The following TJP1 variants were observed in gnomAD, a reference collection of about 807,000 sequenced individuals.
TJP1 encodes tight junction protein ZO-1.
Under a neutral mutation model 194.2 loss-of-function variants are expected in TJP1, and 43 were observed. The observed-to-expected ratio is 0.22, with a 90% CI of 0.17 to 0.29. TJP1 has a LOEUF of 0.29. TJP1 is among the 10% of genes least tolerant of loss of function. The pLI, the probability that TJP1 is intolerant of heterozygous loss-of-function variation, is 1.00. For synonymous variants in TJP1, 801 were observed against 779.0 expected, an observed-to-expected ratio of 1.03 and a Z score of -0.47; for missense variants, 1,971 against 2,185.7, an observed-to-expected ratio of 0.90 and a Z score of 1.96.
intron 1 of TJP1, among the ~76,000 whole-genome samples, chr15:29,964,833 G>C (rs4779687): frequency 1.3e-5 from 2 of 152,040 alleles, no homozygotes; most frequent in Admixed American, 1.3e-4. Flanking sequence ...AAACGCCCCT[G>C]CTTTCTAAAT....
intron 18 of TJP1, among the ~76,000 whole-genome samples, chr15:29,724,705 G>C (rs924977193): frequency 2.0e-5 from 3 of 152,300 alleles, no homozygotes; most frequent in Admixed American, 6.5e-5. Context: ...TTTAGTTTAA[G>C]AATCTATTCT....
rs1175518448 is a variant in TJP1, at chr15:29,833,875, A to ATTTTTTT, written c.307-33174_307-33173insAAAAAAA. On this transcript the variant is annotated intron_variant, in intron 2 of 28. Coordinates refer to the TJP1 transcript ENST00000356107. ...TTTGTAAGTATATATATATATATAT[A>ATTTTTTT]TATATATTTTTTTTTTTTTTTTTTT... is the stretch of plus-strand genomic sequence containing the variant. Among the ~76,000 whole-genome samples, 79 of 16,546 alleles carry ATTTTTTT rather than the reference A, an allele frequency of 4.8e-3. 1 individual carries two copies. In the East Asian group the frequency reaches 0.14, roughly 30 times the overall value. The allele number at this position is 16,546 out of a possible 152,430, so 10.9% of individuals were successfully genotyped here. A position where few individuals can be genotyped will look rare whatever the true frequency, so the allele number is the denominator to read the frequency against.
At chr15:29,784,297 A>C (rs568683442) in intron 2 of TJP1, among the ~76,000 whole-genome samples, 31 of 151,928 alleles carry the variant, frequency 2.0e-4, no homozygotes, top group African/African-American at 7.2e-4. Context: ...ATAGCAACTC[A>C]AGGATTTTTT....
intron 2 of TJP1, among the ~76,000 whole-genome samples, chr15:29,904,680 A>C (rs2053749603): frequency 1.3e-5 from 2 of 152,194 alleles, no homozygotes; most frequent in African/African-American, 2.4e-5. Flanking sequence ...TAGAAAAAAA[A>C]ATAAAGATAA....
rs534086629 is a variant in TJP1, at chr15:29,713,177, T to C, written c.4203-2177A>G. ...TTTATTGAGACCTGGAAGTCTCACA[T>C]AGTGAGTTGAGTCCTGAAAGGTAGA... On this transcript the variant is annotated intron_variant, in intron 23 of 27. Coordinates refer to ENST00000614355, the MANE Select transcript of TJP1 (RefSeq NM_001330239.4). 2.6e-5 allele frequency among the ~76,000 whole-genome samples: 4 copies of C among 152,228 alleles called. No homozygotes were observed. In the South Asian group the frequency reaches 6.2e-4, roughly 24 times the overall value.
chr15:29,885,359 G>C (rs936211496), intron 2 of TJP1, among the ~76,000 whole-genome samples: 1 of 152,194 alleles, frequency 6.6e-6, no homozygotes, highest in Non-Finnish European at 1.5e-5. Flanking sequence ...CCTGGCAAGG[G>C]AACACATGGA....
chr15:29,849,501 G>A (rs2051554422), intron 2 of TJP1, among the ~76,000 whole-genome samples: 1 of 151,356 alleles, frequency 6.6e-6, no homozygotes, highest in Non-Finnish European at 1.5e-5. Flanking sequence ...CATTTTGGGA[G>A]GCTGAGGTGG....
intron 2 of TJP1, among the ~76,000 whole-genome samples, chr15:29,934,942 T>G (rs980433513): frequency 6.6e-6 from 1 of 152,196 alleles, no homozygotes; most frequent in Admixed American, 6.5e-5. Flanking sequence ...TAAAATAAAT[T>G]AGTAAGTTAA....
intron 2 of TJP1, among the ~76,000 whole-genome samples, chr15:29,953,631 T>G (rs1029546946): frequency 6.6e-6 from 1 of 152,252 alleles, no homozygotes; most frequent in South Asian, 2.1e-4. Context: ...AGTTATTGCT[T>G]TTCTAAAAAT....
chr15:29,816,923 CCAAAAGCAATTGCAA>C (rs1194474891), intron 1 of TJP1, among the ~76,000 whole-genome samples: 1 of 152,108 alleles, frequency 6.6e-6, no homozygotes, highest in Non-Finnish European at 1.5e-5. Context: ...GATGAAAACA[CCAAAAGCAATTGCAA>C]CAAAAGCTAA....
chr15:29,952,098 A>C (rs1021060404), intron 2 of TJP1, among the ~76,000 whole-genome samples: 20 of 152,336 alleles, frequency 1.3e-4, no homozygotes, highest in South Asian at 2.1e-4. Context: ...TAAAGACAAA[A>C]GGTCACTTTT....
chr15:29,777,322 T>G (rs750743468), intron 2 of TJP1, among the ~76,000 whole-genome samples: 1 of 152,170 alleles, frequency 6.6e-6, no homozygotes, highest in Non-Finnish European at 1.5e-5. Context: ...TTTCTGAACC[T>G]TCAGTCAAAT....
intron 1 of TJP1, among the ~76,000 whole-genome samples, chr15:29,809,318 T>A (rs1033325261): frequency 2.0e-5 from 3 of 152,214 alleles, no homozygotes; most frequent in Admixed American, 6.5e-5. Flanking sequence ...AGTTAACCAA[T>A]TTACAGGAAA....
intron 2 of TJP1, among the ~76,000 whole-genome samples, chr15:29,796,200 A>T (rs1387810419): frequency 6.6e-6 from 1 of 152,118 alleles, no homozygotes; most frequent in Non-Finnish European, 1.5e-5. Context: ...GGCAAGAAAA[A>T]GAAATAAAGA....
At chr15:29,789,467 G>A (rs2047930798) in intron 2 of TJP1, among the ~76,000 whole-genome samples, 1 of 151,956 alleles carries the variant, frequency 6.6e-6, no homozygotes, top group African/African-American at 2.4e-5. Context: ...ATAATTCCAG[G>A]GCCCACAAGA....
intron 11 of TJP1, 101 bp from the exon 12 acceptor site, chr15:29,734,483 C>G (rs1040866787): frequency 2.5e-6 from 2 of 794,632 alleles, no homozygotes; most frequent in Non-Finnish European, 1.9e-6. Context: ...TTGAAAATAT[C>G]ACATCTTTTT....
intron 2 of TJP1, among the ~76,000 whole-genome samples, chr15:29,774,929 C>T (rs1354459819): frequency 1.3e-5 from 2 of 151,736 alleles, no homozygotes; most frequent in Non-Finnish European, 3.0e-5. Flanking sequence ...TCCTCGGTTT[C>T]ATGTTCTTTG....
intron 2 of TJP1, among the ~76,000 whole-genome samples, chr15:29,893,550 C>T (rs2053381609): frequency 6.6e-6 from 1 of 152,182 alleles, no homozygotes; most frequent in East Asian, 1.9e-4. Context: ...GCACCTCAAC[C>T]TTCAGCAAGC....
intron 15 of TJP1, 177 bp from the exon 16 acceptor site, chr15:29,728,196 T>C (rs981498819): frequency 1.6e-5 from 7 of 446,094 alleles, no homozygotes; most frequent in East Asian, 3.4e-5. Flanking sequence ...TTTTTTTTTT[T>C]CACTATTTTT....
Sources: gnomAD v4.1 joint callset for allele counts (sites outside exome capture counted in the v4.1 genomes callset) on GRCh38, gnomAD v4.1.1 for gene constraint, MANE v1.5 for transcripts, NCBI Gene and HGNC (gene_info 2026-07-23, HGNC 2026-07-21) for gene names.